Variants in CROCC2 observed in about 807,000 individuals in gnomAD.
CROCC2 encodes the protein ciliary rootlet coiled-coil, rootletin family member 2.
CROCC2 carries 163 observed loss-of-function variants against 177.6 expected under a neutral mutation model. The observed-to-expected ratio is 0.92, with a 90% CI of 0.81 to 1.05. The LOEUF is 1.05. CROCC2 is among the 50% of genes least tolerant of loss of function. The pLI, the probability that CROCC2 is intolerant of heterozygous loss-of-function variation, is 0.00. For missense variants in CROCC2, 1,929 were observed against 1,797.8 expected (o/e 1.07, Z -1.32); for synonymous variants, 904 against 787.3 (o/e 1.15, Z -2.48).
At chr2:240,952,211 G>A (rs1050849942) in intron 18 of CROCC2, among the ~76,000 whole-genome samples, 6 of 151,710 alleles carry the variant, frequency 4.0e-5, no homozygotes, top group African/African-American at 1.2e-4. Context: ...GCCGGGCATG[G>A]TGGTGGGGAC....
Position 240,982,641 on chromosome 2 carries a change from C to G in CROCC2, c.4402-239C>G, listed in dbSNP as rs568934261. The G allele has an allele frequency of 1.3e-5, 6 of 458,380 alleles. No individual in the cohort carries two copies. Among genetic ancestry groups the G allele is most frequent in the African/African-American group, 1.0e-4 (5 of 50,120 alleles). 28.4% of individuals were successfully genotyped at this position (458,380 alleles called of 1,614,324 possible). On this transcript the variant is annotated intron_variant, in intron 27 of 31. Transcript: ENST00000690015. The surrounding 1 kb of genome is among the most constrained non-coding windows in gnomAD (Gnocchi z 4.7). ...AGCCCAAGTCTTTGCCCACGCTAGACCAGACCCCCAGGACTTTCGTCTCAG... is the reference window on the plus strand; with the variant it reads ...AGCCCAAGTCTTTGCCCACGCTAGAGCAGACCCCCAGGACTTTCGTCTCAG...
In CROCC2 at chr2:240,931,141, G is replaced by A. The variant is rs1490455572; in HGVS notation, c.947+13G>A. ...CGCTCCAGGCCAGGTGGGCGCCCAG[G>A]GCCAGCAAGCTTGCACAGGGAGGGC... is the stretch of plus-strand genomic sequence containing the variant. On this transcript the variant is annotated intron_variant, in intron 7 of 31. Coordinates refer to ENST00000690015, the MANE Select transcript of CROCC2 (RefSeq NM_001351305.2). The A allele has an allele frequency of 1.4e-6, 1 of 706,160 alleles. No individual in the cohort carries two copies. The highest frequency in any genetic ancestry group is 1.8e-5 in the African/African-American group (1 of 56,978). The allele number at this position is 706,160 out of a possible 1,614,324, so 43.7% of individuals were successfully genotyped here. A position where few individuals can be genotyped will look rare whatever the true frequency, so the allele number is the denominator to read the frequency against.
rs74000153 is a variant in CROCC2 at position 240,935,092 on chromosome 2, G to A, written c.1938+30G>A. ...GACAAGGGCCAGTGGGGCGGGCCTC[G>A]CTGGAACCTGTTTCCCAGGTGGCTG... On this transcript the variant is annotated intron_variant, in intron 13 of 31. Transcript: ENST00000690015. 3,767 of 1,323,000 alleles carry A rather than the reference G, an allele frequency of 2.8e-3. 81 individuals are homozygous for A. The African/African-American group carries it at 0.05, about 18-fold the overall frequency. 82.0% of individuals were successfully genotyped at this position (1,323,000 alleles called of 1,614,324 possible).
At chr2:240,941,305 C>A (rs181990712) in intron 14 of CROCC2, among the ~76,000 whole-genome samples, 1 of 152,236 alleles carries the variant, frequency 6.6e-6, no homozygotes, top group Admixed American at 6.5e-5. Flanking sequence ...AATATCATCA[C>A]CATTCTTCAC....
intron 14 of CROCC2, among the ~76,000 whole-genome samples, chr2:240,945,520 T>C (rs1478935926): frequency 6.6e-6 from 1 of 152,172 alleles, no homozygotes; most frequent in African/African-American, 2.4e-5. Flanking sequence ...GCCCAAACTC[T>C]TAAATGAGCA....
At chr2:240,907,315 C>T (rs981345036) in intron 1 of CROCC2, among the ~76,000 whole-genome samples, 7 of 152,082 alleles carry the variant, frequency 4.6e-5, no homozygotes, top group Non-Finnish European at 8.8e-5. Flanking sequence ...CTCCCTACTT[C>T]CCAGAGCCCA....
chr2:240,934,332 C>T lies in CROCC2; in HGVS notation c.1648C>T (p.Gln550Ter), dbSNP rs1427595245. 7.1e-6 allele frequency: 11 copies of T among 1,548,346 alleles called. No homozygotes were observed. The highest frequency in any genetic ancestry group is 9.6e-6 in the Non-Finnish European group (11 of 1,146,784). ...ERSCRALETS[Q>*]GRLQQLEEKV... ...CCGCCCTCTGGTCTGGGGCCTCAGT[C>T]AAGGCCGCCTGCAGCAGCTGGAGGA... is the stretch of plus-strand genomic sequence containing the variant. The change falls in exon 12 of 32, where the codon CAA (glutamine) becomes TAA (stop). Residue 550 changes from glutamine (Q) to a stop codon, truncating the protein, a stop_gained and splice_region_variant. Coordinates refer to ENST00000690015, the MANE Select transcript of CROCC2 (RefSeq NM_001351305.2). LOFTEE classifies it high-confidence loss of function.
intron 18 of CROCC2, 110 bp from the exon 19 acceptor site, chr2:240,955,749 C>A: frequency 2.8e-6 from 2 of 706,860 alleles, no homozygotes; most frequent in South Asian, 3.5e-5. Flanking sequence ...GTGCTGTGTC[C>A]AGGGGAGCCT....
intron 27 of CROCC2, among the ~76,000 whole-genome samples, chr2:240,980,372 C>G (rs2059790404): frequency 1.2e-5 from 1 of 81,526 alleles, no homozygotes; most frequent in African/African-American, 5.1e-5. Context: ...CAGGCTCATC[C>G]CTGCTCAGTC....
intron 27 of CROCC2, chr2:240,981,825 G>A (rs2059802598): frequency 1.3e-5 from 2 of 152,024 alleles, no homozygotes; most frequent in Non-Finnish European, 2.9e-5. Flanking sequence ...CCCTCAGGAA[G>A]GTGCAAGGGC....
At chr2:240,928,105 G>T (rs1314077721) in intron 5 of CROCC2, among the ~76,000 whole-genome samples, 1 of 152,194 alleles carries the variant, frequency 6.6e-6, no homozygotes, top group Non-Finnish European at 1.5e-5. Context: ...TTGTTTCCTT[G>T]TGCCTTTGGT....
At chr2:240,963,799 G>A (rs2059658887) in intron 21 of CROCC2, 26 bp downstream of exon 21, 3 of 1,542,172 alleles carry the variant, frequency 1.9e-6, no homozygotes, top group Non-Finnish European at 2.6e-6. Flanking sequence ...AGGAGCAGCT[G>A]GGGGTGCCCT....
chr2:240,941,871 G>A (rs1419882267), intron 14 of CROCC2, among the ~76,000 whole-genome samples: 1 of 152,180 alleles, frequency 6.6e-6, no homozygotes, highest in Non-Finnish European at 1.5e-5. Context: ...AGGCCATAAG[G>A]GTTCCACCCT....
chr2:240,927,222 A>C (rs763949715), intron 5 of CROCC2, among the ~76,000 whole-genome samples: 6 of 152,306 alleles, frequency 3.9e-5, no homozygotes, highest in Non-Finnish European at 5.9e-5. Context: ...GGCTGCTCTG[A>C]AGACCCCTGC....
chr2:240,987,360 G>A (rs1185571985), intron 28 of CROCC2, among the ~76,000 whole-genome samples: 1 of 152,206 alleles, frequency 6.6e-6, no homozygotes, highest in Non-Finnish European at 1.5e-5. Flanking sequence ...GGGGAAACCC[G>A]GATGTGGCCG....
intron 1 of CROCC2, among the ~76,000 whole-genome samples, chr2:240,907,052 G>C (rs920434328): frequency 6.6e-6 from 1 of 152,150 alleles, no homozygotes; most frequent in African/African-American, 2.4e-5. Flanking sequence ...TGCAGGCTGC[G>C]CACTGGGGTG....
chr2:240,909,220 G>GGTGAGCTCTACCTCCTCCACCTGGC (rs2059271837), intron 1 of CROCC2, among the ~76,000 whole-genome samples: 1 of 131,476 alleles, frequency 7.6e-6, no homozygotes, highest in Admixed American at 7.3e-5. Context: ...CTCCACCTGG[G>GGTGAGCTCTACCTCCTCCACCTGGC]GTGAGCTCTA....
intron 27 of CROCC2, among the ~76,000 whole-genome samples, chr2:240,968,850 T>G (rs1030966819): frequency 5.3e-5 from 8 of 151,976 alleles, no homozygotes; most frequent in African/African-American, 1.9e-4. Flanking sequence ...CAGGCAGTGG[T>G]GGATGGAGGC....
In CROCC2 at chr2:240,930,184, G is replaced by A; in HGVS notation, c.664G>A (p.Gly222Arg). 1 of 571,808 alleles carries A rather than the reference G, an allele frequency of 1.7e-6. No homozygotes were observed. The allele number at this position is 571,808 out of a possible 1,614,324, so 35.4% of individuals were successfully genotyped here. A position where few individuals can be genotyped will look rare whatever the true frequency, so the allele number is the denominator to read the frequency against. ...CTTTCAGACCCGGTCAGGGGGCCTG[G>A]GGCAGCCCCGGGACCTCCTCCTCCT... ...AQRQTRSGGL[G>R]QPRDLLLLWR... is the part of the protein sequence containing the mutation. The change falls in exon 6 of 32, where the codon GGG becomes AGG. Residue 222 changes from glycine (G) to arginine (R), a missense_variant. Around this residue, in one of 3 missense-constraint regions of CROCC2, gnomAD observed 1,397 missense variants for 1,239.9 expected, o/e 1.13. Transcript: ENST00000690015.
Sources: allele counts gnomAD v4.1 joint callset (sites outside exome capture counted in the v4.1 genomes callset), GRCh38; gene constraint gnomAD v4.1.1; regional missense constraint gnomAD v4.1.1; non-coding constraint Gnocchi (gnomAD v3.1); transcripts MANE v1.5; gene names NCBI Gene and HGNC (gene_info 2026-07-23, HGNC 2026-07-21).